The following ST6GALNAC3 variants were observed in gnomAD, a reference collection of about 807,000 sequenced individuals.
ST6GALNAC3 encodes the protein alpha-N-acetylgalactosaminide alpha-2,6-sialyltransferase 3.
Under a neutral mutation model 32.7 loss-of-function variants are expected in ST6GALNAC3, and 25 were observed. The ratio of observed to expected loss-of-function variants is 0.76; its 90% CI spans 0.56 to 1.07. ST6GALNAC3 has a LOEUF of 1.07. ST6GALNAC3 is among the 50% of genes least tolerant of loss of function. The pLI, the probability that ST6GALNAC3 is intolerant of heterozygous loss-of-function variation, is 0.00. For missense variants in ST6GALNAC3, 355 were observed against 382.4 expected, an observed-to-expected ratio of 0.93 and a Z score of 0.60; for synonymous variants, 129 against 133.1, an observed-to-expected ratio of 0.97 and a Z score of 0.21.
chr1:76,284,898 C>A (rs957742970), intron 1 of ST6GALNAC3, among the ~76,000 whole-genome samples: 4 of 152,020 alleles, frequency 2.6e-5, no homozygotes, highest in African/African-American at 4.8e-5. Flanking sequence ...ACCAAGGCAT[C>A]CAGAGAAATG....
chr1:76,427,336 C>T (rs1239855068), intron 3 of ST6GALNAC3, among the ~76,000 whole-genome samples: 3 of 151,946 alleles, frequency 2.0e-5, no homozygotes, highest in Non-Finnish European at 4.4e-5. Context: ...CTCTGGGGAC[C>T]ATCTGCTTCA....
rs1056589454 is a variant in ST6GALNAC3 at position 76,213,987 on chromosome 1, G to A, written c.19-99818G>A. ...CATCTCAGAATGTTTTTGGAAAAAGGGATTAAATATAATTGAAAGAAACCC... is the reference window on the plus strand; with the variant it reads ...CATCTCAGAATGTTTTTGGAAAAAGAGATTAAATATAATTGAAAGAAACCC... On this transcript the variant is annotated intron_variant, in intron 1 of 4. Coordinates refer to ENST00000328299, the MANE Select transcript of ST6GALNAC3 (RefSeq NM_152996.4). 2.0e-5 allele frequency among the ~76,000 whole-genome samples: 3 copies of A among 152,132 alleles called. No individual in the cohort carries two copies. In the South Asian group the frequency reaches 6.2e-4, roughly 32 times the overall value.
At position 76,627,514 on chromosome 1, in the gene ST6GALNAC3, G is replaced by C. The variant is rs377714872; in HGVS notation, c.686G>C (p.Cys229Ser). Residue 229 changes from cysteine to serine, a missense_variant, in exon 4 of 5, where the codon TGT becomes TCT. Transcript: ENST00000328299. ...WFTFLLAMDA[C>S]YGIHVYGMIN... Reference sequence around the variant, plus strand: ...ACCTTCCTTCTGGCCATGGACGCCTGTTATGGCATTCACGTCTACGGGATG... The same window carrying C: ...ACCTTCCTTCTGGCCATGGACGCCTCTTATGGCATTCACGTCTACGGGATG... The C allele has an allele frequency of 6.2e-7, 1 of 1,612,600 alleles. No homozygotes were observed. Among genetic ancestry groups the C allele is most frequent in the Non-Finnish European group, 8.5e-7 (1 of 1,179,048 alleles).
intron 1 of ST6GALNAC3, among the ~76,000 whole-genome samples, chr1:76,188,423 G>A (rs1653702576): frequency 1.3e-5 from 2 of 152,170 alleles, no homozygotes; most frequent in South Asian, 4.1e-4. Flanking sequence ...TAGTGTGTGT[G>A]GGAGTGGGAG....
chr1:76,572,476 A>C (rs146525256), intron 3 of ST6GALNAC3, among the ~76,000 whole-genome samples: 1 of 152,232 alleles, frequency 6.6e-6, no homozygotes, highest in East Asian at 1.9e-4. Flanking sequence ...TTCCCCAAGA[A>C]TAGTTAATTG....
chr1:76,336,234 AT>A (rs1303352418), intron 2 of ST6GALNAC3, among the ~76,000 whole-genome samples: 1 of 152,160 alleles, frequency 6.6e-6, no homozygotes, highest in Admixed American at 6.5e-5. Flanking sequence ...GTGATCTTGA[AT>A]TTTTTGGCAT....
At chr1:76,386,497 C>G (rs540042310) in intron 2 of ST6GALNAC3, among the ~76,000 whole-genome samples, 5 of 152,272 alleles carry the variant, frequency 3.3e-5, no homozygotes, top group Admixed American at 2.6e-4. Flanking sequence ...AATTGTGAAG[C>G]TGCAAGCTTT....
chr1:76,401,454 T>C (rs1207773979), intron 2 of ST6GALNAC3, among the ~76,000 whole-genome samples: 2 of 152,194 alleles, frequency 1.3e-5, no homozygotes, highest in Non-Finnish European at 2.9e-5. Flanking sequence ...ATCGTAAACA[T>C]TGTTTTAGTC....
intron 2 of ST6GALNAC3, among the ~76,000 whole-genome samples, chr1:76,326,861 A>G (rs1437948300): frequency 1.5e-5 from 2 of 137,246 alleles, no homozygotes; most frequent in Non-Finnish European, 3.1e-5. Context: ...TTAGGTATGC[A>G]ATCTCAATGT....
At chr1:76,402,733 A>G (rs1653523780) in intron 2 of ST6GALNAC3, among the ~76,000 whole-genome samples, 1 of 152,098 alleles carries the variant, frequency 6.6e-6, no homozygotes, top group African/African-American at 2.4e-5. Context: ...CCTATCTCTC[A>G]TCAATTAACA....
chr1:76,602,577 T>C (rs1177851226), intron 3 of ST6GALNAC3, among the ~76,000 whole-genome samples: 3 of 151,928 alleles, frequency 2.0e-5, no homozygotes, highest in Non-Finnish European at 4.4e-5. Context: ...GAAAATATGC[T>C]CGTTAAAAAA....
intron 3 of ST6GALNAC3, among the ~76,000 whole-genome samples, chr1:76,474,724 T>A (rs1332878150): frequency 6.6e-6 from 1 of 151,972 alleles, no homozygotes; most frequent in Non-Finnish European, 1.5e-5. Context: ...TCCTTCTAAC[T>A]CCTATATTGA....
intron 1 of ST6GALNAC3, among the ~76,000 whole-genome samples, chr1:76,114,706 C>T (rs1187460984): frequency 3.3e-5 from 5 of 151,886 alleles, no homozygotes; most frequent in African/African-American, 4.8e-5. Flanking sequence ...GTCAGGAGTT[C>T]GAGACCAGCC....
intron 3 of ST6GALNAC3, among the ~76,000 whole-genome samples, chr1:76,421,092 T>C (rs1040436316): frequency 6.6e-6 from 1 of 152,070 alleles, no homozygotes. Flanking sequence ...AATGAATAAA[T>C]AAATGGACGA....
rs1327532776 is a variant in ST6GALNAC3, at chr1:76,494,448, TATATATATATATATATATATAC to T, written c.623+82033_623+82054del. 3.7e-3 allele frequency among the ~76,000 whole-genome samples: 318 copies of T among 85,466 alleles called. 13 individuals are homozygous for T. Among genetic ancestry groups the T allele is most frequent in the African/African-American group, 0.011 (306 of 27,126 alleles). 56.1% of individuals were successfully genotyped at this position (85,466 alleles called of 152,430 possible). ...GCATGTGTATATATATATATATATA[TATATATATATATATATATATAC>T]ACACACACACACACACTTTCCCTAC... On this transcript the variant is annotated intron_variant, in intron 3 of 4. Coordinates refer to ENST00000328299, the MANE Select transcript of ST6GALNAC3 (RefSeq NM_152996.4).
intron 3 of ST6GALNAC3, among the ~76,000 whole-genome samples, chr1:76,591,229 G>C (rs1379416256): frequency 6.6e-6 from 1 of 151,856 alleles, no homozygotes; most frequent in Non-Finnish European, 1.5e-5. Context: ...GTAGGGGCTG[G>C]AGTGGACATT....
At chr1:76,305,209 G>A (rs1460004760) in intron 1 of ST6GALNAC3, among the ~76,000 whole-genome samples, 3 of 151,958 alleles carry the variant, frequency 2.0e-5, no homozygotes, top group Non-Finnish European at 2.9e-5. Flanking sequence ...TCTTAAGAAG[G>A]GCAGCCTTAG....
chr1:76,263,764 G>A (rs1230279917), intron 1 of ST6GALNAC3, among the ~76,000 whole-genome samples: 1 of 152,190 alleles, frequency 6.6e-6, no homozygotes, highest in Non-Finnish European at 1.5e-5. Flanking sequence ...TGTTCTTTCT[G>A]TGAATTTGTT....
At chr1:76,537,453 A>G (rs1243773401) in intron 3 of ST6GALNAC3, among the ~76,000 whole-genome samples, 1 of 152,164 alleles carries the variant, frequency 6.6e-6, no homozygotes, top group African/African-American at 2.4e-5. Context: ...GCAGAAAACA[A>G]GAAGTAACTA....
Sources: gnomAD v4.1 joint callset for allele counts (sites outside exome capture counted in the v4.1 genomes callset) on GRCh38, gnomAD v4.1.1 for gene constraint, MANE v1.5 for transcripts, NCBI Gene and HGNC (gene_info 2026-07-23, HGNC 2026-07-21) for gene names.